Variants in RIPOR1 observed in about 807,000 individuals in gnomAD.
RIPOR1 encodes the protein rho family-interacting cell polarization regulator 1.
In RIPOR1, 58 loss-of-function variants were observed where a neutral mutation model predicts 116.5. The observed-to-expected ratio is 0.50, with a 90% CI of 0.40 to 0.62. The LOEUF (loss-of-function observed/expected upper bound fraction) is 0.62. Ranked by LOEUF, RIPOR1 falls within the 20% of genes least tolerant of loss-of-function variation. The pLI, the probability that RIPOR1 is intolerant of heterozygous loss-of-function variation, is 0.00. For synonymous variants in RIPOR1, 605 were observed against 650.0 expected (o/e 0.93, Z 1.05); for missense variants, 1,372 against 1,586.2 (o/e 0.86, Z 2.29).
chr16:67,526,609 A>G (rs2050541828), upstream of RIPOR1, among the ~76,000 whole-genome samples: 1 of 152,272 alleles, frequency 6.6e-6, no homozygotes, highest in Admixed American at 6.5e-5. Flanking sequence ...AACTCCCACT[A>G]TGAGCCAGGC....
At chr16:67,538,338 A>G in intron 1 of RIPOR1, 86 bp from the exon 2 acceptor site, 1 of 1,475,510 alleles carries the variant, frequency 6.8e-7, no homozygotes, top group Non-Finnish European at 9.1e-7. Context: ...GCGACAGGAA[A>G]GACCTGCGCC....
intron 1 of RIPOR1, among the ~76,000 whole-genome samples, chr16:67,533,624 C>G (rs996933290): frequency 3.3e-5 from 5 of 151,840 alleles, no homozygotes; most frequent in Non-Finnish European, 7.4e-5. Context: ...ACAGGGAGGT[C>G]ACTGGTGACC....
intron 1 of RIPOR1, among the ~76,000 whole-genome samples, chr16:67,519,713 G>C (rs942923946): frequency 2.0e-5 from 3 of 152,058 alleles, no homozygotes; most frequent in African/African-American, 7.2e-5. Context: ...TCCTAAGTGG[G>C]GGAAGTGGAG....
rs1444118577 is a variant in RIPOR1, at chr16:67,543,319, A to G, written c.2479-29A>G. 1.2e-6 allele frequency: 2 copies of G among 1,607,754 alleles called. No individual in the cohort carries two copies. The highest frequency in any genetic ancestry group is 1.7e-6 in the Non-Finnish European group (2 of 1,177,754). On this transcript the variant is annotated intron_variant, in intron 13 of 21. Coordinates refer to ENST00000042381, the MANE Select transcript of RIPOR1 (RefSeq NM_024519.4). This position sits in a 1 kb window ranked among gnomAD's most constrained non-coding sequence, Gnocchi z 4.7. ...CCAGGGAGGGCAGCCAGGGGGCGGC[A>G]GCCGCTCTGATGCCCTTCACAACCT...
At chr16:67,522,345 G>A (rs186326555) in intron 1 of RIPOR1, among the ~76,000 whole-genome samples, 177 of 152,064 alleles carry the variant, frequency 1.2e-3, no homozygotes, top group Non-Finnish European at 2.3e-3. Context: ...TGGGATTACA[G>A]GCACACATCA....
chr16:67,544,225 C>T lies in RIPOR1; in HGVS notation c.2601-74C>T, dbSNP rs2051090513. ...TTCTTCCTTTCTGGCATGGGGGAAG[C>T]TTAATAAAAATAAACGCTGGTGACC... On this transcript the variant is annotated intron_variant, in intron 14 of 21. Transcript: ENST00000042381. The surrounding 1 kb of genome is among the most constrained non-coding windows in gnomAD (Gnocchi z 5.1). The T allele has an allele frequency of 1.3e-6, 2 of 1,524,722 alleles. No individual in the cohort carries two copies. Among genetic ancestry groups the T allele is most frequent in the Non-Finnish European group, 1.8e-6 (2 of 1,126,450 alleles). 94.4% of individuals were successfully genotyped at this position (1,524,722 alleles called of 1,614,324 possible). A position where few individuals can be genotyped will look rare whatever the true frequency, so the allele number is the denominator to read the frequency against.
rs1401248777 is a variant in RIPOR1 at position 67,545,196 on chromosome 16, A to G, written c.3031+79A>G. The G allele has an allele frequency of 1.3e-6, 2 of 1,575,172 alleles. No individual in the cohort carries two copies. Among genetic ancestry groups the G allele is most frequent in the Non-Finnish European group, 1.7e-6 (2 of 1,158,112 alleles). ...GCTCGGGGAAGCCAGGTCAGCCCAC[A>G]CAGATAAACGAACTGGGCACCGAGG... On this transcript the variant is annotated intron_variant, in intron 17 of 21. Coordinates refer to ENST00000042381, the MANE Select transcript of RIPOR1 (RefSeq NM_024519.4). The surrounding 1 kb of genome is among the most constrained non-coding windows in gnomAD (Gnocchi z 4.8).
rs2050662703 is a variant in RIPOR1 at position 67,531,609 on chromosome 16, C to T, written c.-24+2695C>T. 2.2e-6 allele frequency: 1 copy of T among 454,638 alleles called. No homozygotes were observed. Among genetic ancestry groups the T allele is most frequent in the Admixed American group, 2.4e-5 (1 of 42,422 alleles). 28.2% of individuals were successfully genotyped at this position (454,638 alleles called of 1,614,324 possible). On this transcript the variant is annotated intron_variant, in intron 1 of 21. Transcript: ENST00000042381. The surrounding 1 kb of genome is among the most constrained non-coding windows in gnomAD (Gnocchi z 4.2). Reference sequence around the variant, plus strand: ...AATAGGAGCGATGGGGGCTGCCGGTCAGATTCTGAAGAACCTTGCAGGTAT... The same window carrying T: ...AATAGGAGCGATGGGGGCTGCCGGTTAGATTCTGAAGAACCTTGCAGGTAT...
rs985868695 is a variant in RIPOR1 at position 67,546,643 on chromosome 16, C to T, written c.*180C>T. 7 of 599,430 alleles carry T rather than the reference C, an allele frequency of 1.2e-5. No individual in the cohort carries two copies. Among genetic ancestry groups the T allele is most frequent in the Non-Finnish European group, 2.1e-5 (7 of 337,802 alleles). 37.1% of individuals were successfully genotyped at this position (599,430 alleles called of 1,614,324 possible). On this transcript the variant is annotated 3_prime_UTR_variant, in exon 22 of 22. Transcript: ENST00000042381. ...GAGAGTCAGTGCCTGCAGTCAAGTGCCTCCCAGCCTCGGCTCAGCACATCC... is the reference window on the plus strand; with the variant it reads ...GAGAGTCAGTGCCTGCAGTCAAGTGTCTCCCAGCCTCGGCTCAGCACATCC...
rs757989368 is a variant in RIPOR1, at chr16:67,541,913, C to T, written c.1127C>T (p.Ser376Phe). 2 of 1,612,016 alleles carry T rather than the reference C, an allele frequency of 1.2e-6. No homozygotes were observed. The highest frequency in any genetic ancestry group is 2.2e-5 in the South Asian group (2 of 91,032). Residue 376 changes from serine to phenylalanine, a missense_variant, in exon 13 of 22, where the codon TCC becomes TTC. By Grantham distance (155) the Ser-to-Phe change is radical (BLOSUM62 -2). This residue lies in a region of RIPOR1 where 1,005 missense variants were observed against 1,144.7 expected (regional missense o/e 0.88). Coordinates refer to ENST00000042381, the MANE Select transcript of RIPOR1 (RefSeq NM_024519.4). This position sits in a 1 kb window ranked among gnomAD's most constrained non-coding sequence, Gnocchi z 4.6. ...GAGCTGGAGAATGGGACAGCATGGT[C>T]CCTGTCATCTGAATCTTCAGACGAC... ...QEELENGTAW[S>F]LSSESSDDSS...
intron 1 of RIPOR1, among the ~76,000 whole-genome samples, chr16:67,532,008 C>A (rs1328150854): frequency 6.6e-6 from 1 of 152,076 alleles, no homozygotes; most frequent in East Asian, 1.9e-4. Flanking sequence ...TCTCCCACCT[C>A]AGCCTACTGA....
In RIPOR1 at chr16:67,542,932, C is replaced by G; in HGVS notation, c.2146C>G (p.Gln716Glu). 1.3e-6 allele frequency: 2 copies of G among 1,598,826 alleles called. No homozygotes were observed. Among genetic ancestry groups the G allele is most frequent in the Non-Finnish European group, 1.7e-6 (2 of 1,171,052 alleles). Residue 716 changes from glutamine to glutamate, a missense_variant, in exon 13 of 22, where the codon CAG (glutamine) becomes GAG (glutamate). Around this residue, in one of 3 missense-constraint regions of RIPOR1, gnomAD observed 1,005 missense variants for 1,144.7 expected, o/e 0.88. Transcript: ENST00000042381. The surrounding 1 kb of genome is among the most constrained non-coding windows in gnomAD (Gnocchi z 4.6). ...TCCCCCAGTCTCCAATTCCTACACT[C>G]AGGCAGACCCTATGGCCCCCAGAAC... ...CSPPVSNSYT[Q>E]ADPMAPRTPH...
intron 1 of RIPOR1, among the ~76,000 whole-genome samples, chr16:67,522,630 C>T (rs371338604): frequency 7.2e-5 from 11 of 152,222 alleles, no homozygotes; most frequent in South Asian, 4.2e-4. Context: ...CCACTGCATC[C>T]GGCCTCCACC....
In RIPOR1 at chr16:67,543,352, G is replaced by C; in HGVS notation, c.2483G>C (p.Arg828Thr). The C allele has an allele frequency of 1.9e-6, 3 of 1,607,378 alleles. No individual in the cohort carries two copies. Among genetic ancestry groups the C allele is most frequent in the Non-Finnish European group, 2.5e-6 (3 of 1,177,188 alleles). ...TGATGCCCTTCACAACCTCAGCAGA[G>C]ACAAGGTCTGACTCGCAGCCGGGCC... ...VTRLESLLMQ[R>T]QGLTRSRASS... Residue 828 changes from arginine (R) to threonine (T), a missense_variant, in exon 14 of 22, where the codon AGA (arginine) becomes ACA (threonine). Physicochemically the swap from Arg to Thr is moderately conservative, Grantham distance 71 (BLOSUM62 -1). Coordinates refer to ENST00000042381, the MANE Select transcript of RIPOR1 (RefSeq NM_024519.4). The surrounding 1 kb of genome is among the most constrained non-coding windows in gnomAD (Gnocchi z 4.7).
At position 67,530,007 on chromosome 16, in the gene RIPOR1, A is replaced by T. The variant is rs565332806; in HGVS notation, c.-24+1093A>T. Reference sequence around the variant, plus strand: ...CTGAGGTACAAAATACTCCAGCGGGACAAGGAGGACTGGCATAGCTCCTTC... The same window carrying T: ...CTGAGGTACAAAATACTCCAGCGGGTCAAGGAGGACTGGCATAGCTCCTTC... On this transcript the variant is annotated intron_variant, in intron 1 of 21. Transcript: ENST00000042381. The surrounding 1 kb of genome is among the most constrained non-coding windows in gnomAD (Gnocchi z 4.5). 20 of 672,570 alleles carry T rather than the reference A, an allele frequency of 3.0e-5. No homozygotes were observed. The South Asian group carries it at 3.0e-4, about 10-fold the overall frequency. The allele number at this position is 672,570 out of a possible 1,614,324, so 41.7% of individuals were successfully genotyped here.
chr16:67,531,905 T>G lies in RIPOR1; in HGVS notation c.-24+2991T>G, dbSNP rs934416666. Among the ~76,000 whole-genome samples the G allele has an allele frequency of 6.6e-6, 1 of 152,088 alleles. No homozygotes were observed. Among genetic ancestry groups the G allele is most frequent in the African/African-American group, 2.4e-5 (1 of 41,396 alleles). On this transcript the variant is annotated intron_variant, in intron 1 of 21. Coordinates refer to ENST00000042381, the MANE Select transcript of RIPOR1 (RefSeq NM_024519.4). This position sits in a 1 kb window ranked among gnomAD's most constrained non-coding sequence, Gnocchi z 4.2. Reference sequence around the variant, plus strand: ...CACCTGTGTGACTGTTTTGTTTTGTTTTTTGAGACAGAGTCTCGCTCTGTC... The same window carrying G: ...CACCTGTGTGACTGTTTTGTTTTGTGTTTTGAGACAGAGTCTCGCTCTGTC...
At chr16:67,521,316 C>T (rs2050493228) in intron 1 of RIPOR1, among the ~76,000 whole-genome samples, 1 of 152,184 alleles carries the variant, frequency 6.6e-6, no homozygotes, top group South Asian at 2.1e-4. Flanking sequence ...GGATTCTCAG[C>T]CCCAGGTCGT....
Position 67,545,779 on chromosome 16 carries a change from C to T in RIPOR1, c.3306C>T (p.Leu1102=), listed in dbSNP as rs753659018. ...GGCTGCGGGCCCTCAGCTCCCTGCT[C>T]GTCCATGGCAACAACAAGGTCATGG... ...RDGLRALSSL[L]VHGNNKVMAA... The change falls in exon 19 of 22, where the codon CTC becomes CTT. Residue 1102 remains leucine (L), a synonymous_variant. Coordinates refer to ENST00000042381, the MANE Select transcript of RIPOR1 (RefSeq NM_024519.4). The surrounding 1 kb of genome is among the most constrained non-coding windows in gnomAD (Gnocchi z 4.8). The T allele has an allele frequency of 1.8e-5, 29 of 1,612,718 alleles. No individual in the cohort carries two copies. The highest frequency in any genetic ancestry group is 9.3e-5 in the African/African-American group (7 of 74,894).
intron 4 of RIPOR1, chr16:67,539,421 TG>T: frequency 1.9e-6 from 1 of 532,856 alleles, no homozygotes; most frequent in East Asian, 3.3e-5. Flanking sequence ...TGCCGGGGCT[TG>T]ATGGGAGTTC....
Sources: gnomAD v4.1 joint callset for allele counts (sites outside exome capture counted in the v4.1 genomes callset) on GRCh38, gnomAD v4.1.1 for gene constraint, gnomAD v4.1.1 regional missense constraint, Gnocchi (gnomAD v3.1) non-coding constraint, MANE v1.5 for transcripts, NCBI Gene and HGNC (gene_info 2026-07-23, HGNC 2026-07-21) for gene names.